PSMG2: variants seen among roughly 807,000 people sequenced by gnomAD.
The protein encoded by PSMG2 is proteasome assembly chaperone 2, also known as CD40 ligand-activated specific transcript 3.
In PSMG2, 21 loss-of-function variants were observed where a neutral mutation model predicts 31.5. That is an observed-to-expected ratio of 0.67 (90% confidence interval 0.47 to 0.96). The LOEUF is 0.96. Among genes scored for constraint, PSMG2 ranks in the 40% least tolerant of loss-of-function variants. The pLI is 0.00. For synonymous variants in PSMG2, 120 were observed against 110.4 expected, an observed-to-expected ratio of 1.09 and a Z score of -0.54; for missense variants, 318 against 321.2, an observed-to-expected ratio of 0.99 and a Z score of 0.08.
At chr18:12,717,065 T>A (rs2040384063) in intron 3 of PSMG2, among the ~76,000 whole-genome samples, 1 of 145,118 alleles carries the variant, frequency 6.9e-6, no homozygotes, top group African/African-American at 2.5e-5. Context: ...TCCTCCCACC[T>A]CAGCCTCCTG....
At chr18:12,697,479 T>C (rs995784416) in intron 1 of PSMG2, 7 of 995,262 alleles carry the variant, frequency 7.0e-6, no homozygotes, top group Non-Finnish European at 8.7e-6. Flanking sequence ...AGAATACTTT[T>C]ATTAAACAGT....
At position 12,724,443 on chromosome 18, in the gene PSMG2, G is replaced by A. The variant is rs1035564128; in HGVS notation, c.582-56G>A. 25 of 1,475,598 alleles carry A rather than the reference G, an allele frequency of 1.7e-5. No individual in the cohort carries two copies. The East Asian group carries it at 6.0e-4, about 35-fold the overall frequency. The allele number at this position is 1,475,598 out of a possible 1,614,324, so 91.4% of individuals were successfully genotyped here. On this transcript the variant is annotated intron_variant, in intron 5 of 6. Coordinates refer to ENST00000317615, the MANE Select transcript of PSMG2 (RefSeq NM_020232.5). ...CGTAGCTGTAAAAACAGACACACTA[G>A]AGTCAGCTCTTGTACCCTATGAAAG... is the stretch of plus-strand genomic sequence containing the variant.
chr18:12,662,902 A>G (rs2038725609), intron 1 of PSMG2, among the ~76,000 whole-genome samples: 1 of 152,248 alleles, frequency 6.6e-6, no homozygotes, highest in Admixed American at 6.5e-5. Context: ...ATCACGTTTC[A>G]CCTACTTAAT....
intron 1 of PSMG2, among the ~76,000 whole-genome samples, chr18:12,683,958 T>C (rs530137242): frequency 6.0e-5 from 9 of 151,124 alleles, no homozygotes; most frequent in African/African-American, 2.2e-4. Flanking sequence ...ACTGTTGTAA[T>C]GCTGTTGTTT....
intron 1 of PSMG2, among the ~76,000 whole-genome samples, chr18:12,696,701 T>C (rs1162645412): frequency 6.6e-6 from 1 of 152,106 alleles, no homozygotes; most frequent in East Asian, 1.9e-4. Flanking sequence ...AAGGAGACTA[T>C]GATAAATAAG....
intron 1 of PSMG2, chr18:12,695,242 A>G (rs776776734): frequency 3.8e-5 from 47 of 1,241,390 alleles, no homozygotes; most frequent in Middle Eastern, 2.1e-4. Flanking sequence ...AGAGAAACTC[A>G]TAAGTATTTA....
intron 1 of PSMG2, among the ~76,000 whole-genome samples, chr18:12,704,653 T>C (rs1333197905): frequency 6.6e-6 from 1 of 152,130 alleles, no homozygotes; most frequent in Admixed American, 6.5e-5. Flanking sequence ...CTTGGAGAAT[T>C]TTTGCTACAT....
intron 3 of PSMG2, among the ~76,000 whole-genome samples, chr18:12,716,628 T>G (rs1334594136): frequency 6.6e-6 from 1 of 152,034 alleles, no homozygotes; most frequent in Non-Finnish European, 1.5e-5. Context: ...TCTCCTGACC[T>G]TGTGATCTGC....
intron 1 of PSMG2, among the ~76,000 whole-genome samples, chr18:12,688,068 C>T (rs773523590): frequency 7.3e-5 from 11 of 151,420 alleles, no homozygotes; most frequent in Non-Finnish European, 1.3e-4. Context: ...ATGGTGAAAC[C>T]CCATCTCCAC....
At chr18:12,686,037 G>A (rs77554380) in intron 1 of PSMG2, 8 of 389,040 alleles carry the variant, frequency 2.1e-5, no homozygotes, top group African/African-American at 6.2e-5. Context: ...CTACATAAAC[G>A]TTGTTACACA....
At chr18:12,702,661 G>T (rs888009342), upstream of PSMG2, 7 of 1,253,860 alleles carry the variant, frequency 5.6e-6, no homozygotes, top group African/African-American at 3.1e-5. Flanking sequence ...CGCCGCAGCC[G>T]TTCGCCTAGC....
intron 1 of PSMG2, among the ~76,000 whole-genome samples, chr18:12,669,244 C>G (rs570007369): frequency 6.6e-6 from 1 of 151,856 alleles, no homozygotes; most frequent in African/African-American, 2.4e-5. Flanking sequence ...TCCCGAGTAG[C>G]TGGGAATACA....
At chr18:12,665,491 C>G (rs1568003462) in intron 1 of PSMG2, among the ~76,000 whole-genome samples, 4 of 152,294 alleles carry the variant, frequency 2.6e-5, no homozygotes, top group Middle Eastern at 3.4e-3. Context: ...TGATGGAACA[C>G]TGTGTCTTTC....
chr18:12,702,838 G>T, upstream of PSMG2: 1 of 562,788 alleles, frequency 1.8e-6, no homozygotes. Context: ...CTCCCCGCGG[G>T]CCCCGCACCC....
rs188672491 is a variant in PSMG2, at chr18:12,688,152, A to G, written c.-36-18398A>G. ...AGGCTGAGGCAGGAGAATGGCATGA[A>G]TCTGGGAGGCGGAGCTTGCAGTGAG... On this transcript the variant is annotated intron_variant, in intron 1 of 6. Transcript: ENST00000585331. 2.8e-3 allele frequency among the ~76,000 whole-genome samples: 421 copies of G among 150,800 alleles called. 1 individual carries two copies. Among genetic ancestry groups the G allele is most frequent in the Non-Finnish European group, 3.8e-3 (260 of 67,744 alleles).
At chr18:12,704,070 C>T (rs775664633) in intron 1 of PSMG2, among the ~76,000 whole-genome samples, 4 of 152,066 alleles carry the variant, frequency 2.6e-5, no homozygotes, top group Non-Finnish European at 5.9e-5. Flanking sequence ...AACACACAGC[C>T]CCAGAGAAGA....
chr18:12,680,416 T>G (rs1342788214), intron 1 of PSMG2, among the ~76,000 whole-genome samples: 3 of 151,044 alleles, frequency 2.0e-5, no homozygotes, highest in Non-Finnish European at 4.4e-5. Flanking sequence ...GCTAACATGG[T>G]GAAAACTTGT....
intron 1 of PSMG2, among the ~76,000 whole-genome samples, chr18:12,697,000 A>G (rs907229312): frequency 4.6e-5 from 7 of 152,116 alleles, no homozygotes; most frequent in Non-Finnish European, 5.9e-5. Context: ...AGAAAAAAAC[A>G]TTTCTCCTAA....
upstream of PSMG2, chr18:12,701,222 A>G: frequency 1.4e-6 from 1 of 737,198 alleles, no homozygotes; most frequent in East Asian, 2.5e-5. Context: ...TGTTACCACA[A>G]TTGAATGGGA....
Sources: allele counts gnomAD v4.1 joint callset (sites outside exome capture counted in the v4.1 genomes callset), GRCh38; gene constraint gnomAD v4.1.1; transcripts MANE v1.5; gene names NCBI Gene and HGNC (gene_info 2026-07-23, HGNC 2026-07-21).